Variants in FBXL4 observed in about 807,000 individuals in gnomAD.
FBXL4 encodes the protein F-box/LRR-repeat protein 4.
In FBXL4, 40 loss-of-function variants were observed where a neutral mutation model predicts 58.9. The observed-to-expected ratio is 0.68, with a 90% CI of 0.53 to 0.88. The LOEUF (loss-of-function observed/expected upper bound fraction) is 0.88, where lower values mean the gene tolerates loss of function less well. Ranked by LOEUF, FBXL4 falls within the 40% of genes least tolerant of loss-of-function variation. The pLI is 0.00. For synonymous variants in FBXL4, 263 were observed against 265.5 expected (o/e 0.99, Z 0.09); for missense variants, 676 against 734.4 (o/e 0.92, Z 0.92).
In FBXL4 at chr6:98,917,565, C is replaced by T. The variant is rs890876800; in HGVS notation, c.667G>A (p.Val223Ile). The T allele has an allele frequency of 1.2e-6, 2 of 1,613,898 alleles. No homozygotes were observed. The highest frequency in any genetic ancestry group is 1.7e-6 in the Non-Finnish European group (2 of 1,179,932). The change falls in exon 5 of 10, where the codon GTT (valine) becomes ATT (isoleucine). Residue 223 changes from valine to isoleucine, a missense_variant. By Grantham distance (29) the Val-to-Ile change is conservative. Coordinates refer to ENST00000369244, the MANE Select transcript of FBXL4 (RefSeq NM_001278716.2). ...TTGTCCTTCACACCATGTAGCACAACTGCATCTAATTCAGTGTAATATTCC... is the reference window on the plus strand; with the variant it reads ...TTGTCCTTCACACCATGTAGCACAATTGCATCTAATTCAGTGTAATATTCC... ...LLEYYTELDA[V>I]VLHGVKDKPV...
chr6:98,894,477 C>T (rs1214061563), intron 7 of FBXL4, among the ~76,000 whole-genome samples: 2 of 152,050 alleles, frequency 1.3e-5, no homozygotes, highest in Admixed American at 1.3e-4. Flanking sequence ...CCCTATTTAC[C>T]AACCCATTTC....
chr6:98,902,200 T>C (rs1048266827), intron 6 of FBXL4, among the ~76,000 whole-genome samples: 3 of 152,176 alleles, frequency 2.0e-5, no homozygotes, highest in African/African-American at 4.8e-5. Context: ...TAAATATCTA[T>C]GACTTCTAAA....
chr6:98,903,979 G>A (rs1771707288), intron 6 of FBXL4, among the ~76,000 whole-genome samples: 1 of 152,068 alleles, frequency 6.6e-6, no homozygotes, highest in Non-Finnish European at 1.5e-5. Flanking sequence ...CACACAAAGG[G>A]TGAAAACAAA....
intron 7 of FBXL4, 146 bp downstream of exon 7, chr6:98,899,122 A>G (rs1385199155): frequency 7.1e-7 from 1 of 1,414,088 alleles, no homozygotes; most frequent in African/African-American, 1.4e-5. Context: ...CAATGACTGA[A>G]TCAGCTCTAT....
intron 1 of FBXL4, among the ~76,000 whole-genome samples, chr6:98,939,607 C>T (rs1402390382): frequency 1.3e-5 from 2 of 152,140 alleles, no homozygotes; most frequent in South Asian, 2.1e-4. Context: ...TTGCTGGATT[C>T]GTTTATCTTG....
chr6:98,935,307 G>GT (rs199838719), intron 1 of FBXL4, among the ~76,000 whole-genome samples: 1,673 of 126,324 alleles, frequency 0.013, 10 homozygotes, highest in Middle Eastern at 0.025. Context: ...ATGGTTTTTT[G>GT]TTTTTTTTTT....
At chr6:98,887,854 G>C (rs9321243) in intron 7 of FBXL4, among the ~76,000 whole-genome samples, 24,212 of 152,126 alleles carry the variant, frequency 0.16, 2,318 homozygotes, top group East Asian at 0.47. Flanking sequence ...ACTGAGGTGA[G>C]TAAGCACAAA....
At chr6:98,920,777 CAAACAT>C (rs1010017219) in intron 4 of FBXL4, among the ~76,000 whole-genome samples, 6 of 150,460 alleles carry the variant, frequency 4.0e-5, no homozygotes, top group African/African-American at 7.3e-5. Flanking sequence ...AACAAGAAAA[CAAACAT>C]AAACATACGC....
chr6:98,885,349 C>T (rs1771000252), intron 7 of FBXL4, among the ~76,000 whole-genome samples: 1 of 152,188 alleles, frequency 6.6e-6, no homozygotes, highest in South Asian at 2.1e-4. Flanking sequence ...ATCCACCCAC[C>T]TCGGCCTCCT....
chr6:98,928,655 C>T (rs1772886285), intron 2 of FBXL4, among the ~76,000 whole-genome samples: 1 of 152,110 alleles, frequency 6.6e-6, no homozygotes, highest in African/African-American at 2.4e-5. Flanking sequence ...TAGAGCAATG[C>T]ACTAGTCTTC....
At chr6:98,907,190 A>G (rs1408633847) in intron 5 of FBXL4, among the ~76,000 whole-genome samples, 1 of 152,182 alleles carries the variant, frequency 6.6e-6, no homozygotes, top group African/African-American at 2.4e-5. Context: ...CCAGGTGAAA[A>G]GAGAGTCTAG....
chr6:98,892,282 C>T (rs993938906), intron 7 of FBXL4, among the ~76,000 whole-genome samples: 2 of 152,194 alleles, frequency 1.3e-5, no homozygotes, highest in Non-Finnish European at 2.9e-5. Flanking sequence ...TAGATGACAA[C>T]TAACAACATC....
At chr6:98,874,626 T>A (rs1222507488) in intron 9 of FBXL4, among the ~76,000 whole-genome samples, 185 bp from the exon 10 acceptor site, 1 of 152,168 alleles carries the variant, frequency 6.6e-6, no homozygotes, top group East Asian at 1.9e-4. Context: ...AAAGTAAAAG[T>A]TGAATTTTCC....
At chr6:98,896,618 A>T in intron 7 of FBXL4, 1 of 273,294 alleles carries the variant, frequency 3.7e-6, no homozygotes, top group Non-Finnish European at 5.6e-6. Context: ...ACCATAGATC[A>T]CTGAAAACTC....
intron 1 of FBXL4, among the ~76,000 whole-genome samples, chr6:98,943,112 A>G (rs569433328): frequency 1.3e-5 from 2 of 152,270 alleles, no homozygotes; most frequent in African/African-American, 4.8e-5. Flanking sequence ...ATCAATGTCA[A>G]TTTCCTGAGT....
intron 5 of FBXL4, among the ~76,000 whole-genome samples, chr6:98,912,538 A>C (rs1176621359): frequency 6.6e-6 from 1 of 152,214 alleles, no homozygotes; most frequent in African/African-American, 2.4e-5. Context: ...TCTTAAAGAA[A>C]ATAATTTTCA....
Position 98,874,225 on chromosome 6 carries a change from C to A in FBXL4, c.*53G>T. ...TAAAAACAAAACCCAAAACCAATCC[C>A]AAAATTAAACCCCAACAAAGCACAT... On this transcript the variant is annotated 3_prime_UTR_variant, in exon 10 of 10. Transcript: ENST00000369244. 1 of 1,407,774 alleles carries A rather than the reference C, an allele frequency of 7.1e-7. No individual in the cohort carries two copies. The highest frequency in any genetic ancestry group is 1.7e-5 in the South Asian group (1 of 58,226). The allele number at this position is 1,407,774 out of a possible 1,614,324, so 87.2% of individuals were successfully genotyped here.
intron 5 of FBXL4, 42 bp downstream of exon 5, chr6:98,917,332 T>C (rs779530195): frequency 5.4e-6 from 7 of 1,294,654 alleles, no homozygotes; most frequent in African/African-American, 4.5e-5. Context: ...TAAAAATCTA[T>C]AGTGTTATAT....
chr6:98,888,586 A>T (rs369118743), intron 7 of FBXL4, among the ~76,000 whole-genome samples: 11 of 152,236 alleles, frequency 7.2e-5, no homozygotes, highest in African/African-American at 2.4e-4. Flanking sequence ...CCAAGTCTAC[A>T]CATTCTGCTG....
Sources: allele counts gnomAD v4.1 joint callset (sites outside exome capture counted in the v4.1 genomes callset), GRCh38; gene constraint gnomAD v4.1.1; transcripts MANE v1.5; gene names NCBI Gene and HGNC (gene_info 2026-07-23, HGNC 2026-07-21).